The following MGA variants were observed in gnomAD, a reference collection of about 807,000 sequenced individuals.
The protein encoded by MGA is MAX dimerization protein MGA.
MGA carries 40 observed loss-of-function variants against 261.1 expected under a neutral mutation model. The ratio of observed to expected loss-of-function variants is 0.15; its 90% CI spans 0.12 to 0.20. The LOEUF is 0.20. Ranked by LOEUF, MGA falls within the 10% of genes least tolerant of loss-of-function variation. The pLI is 1.00. For synonymous variants in MGA, 1,302 were observed against 1,290.6 expected, an observed-to-expected ratio of 1.01 and a Z score of -0.19; for missense variants, 3,397 against 3,630.5, an observed-to-expected ratio of 0.94 and a Z score of 1.65.
chr15:41,744,176 C>A (rs2062290207), intron 15 of MGA, among the ~76,000 whole-genome samples: 1 of 151,154 alleles, frequency 6.6e-6, no homozygotes, highest in African/African-American at 2.4e-5. Flanking sequence ...AAAAGTGAAT[C>A]TATATATATA....
chr15:41,762,097 T>C, intron 21 of MGA, 32 bp from the exon 22 acceptor site: 1 of 1,526,980 alleles, frequency 6.5e-7, no homozygotes, highest in Non-Finnish European at 9.0e-7. Flanking sequence ...GGCGTAATGC[T>C]GAAAGTGCTA....
At chr15:41,694,595 C>T (rs1439267782) in intron 2 of MGA, among the ~76,000 whole-genome samples, 1 of 151,096 alleles carries the variant, frequency 6.6e-6, no homozygotes, top group African/African-American at 2.4e-5. Flanking sequence ...GGCACGATCT[C>T]GGCTCACTGC....
At chr15:41,641,629 A>G (rs963950464) in intron 1 of MGA, among the ~76,000 whole-genome samples, 1 of 151,330 alleles carries the variant, frequency 6.6e-6, no homozygotes, top group Non-Finnish European at 1.5e-5. Context: ...AGCTGGGACT[A>G]TAGGTGCGCG....
At chr15:41,723,740 T>C (rs1038719482) in intron 9 of MGA, among the ~76,000 whole-genome samples, 5 of 152,168 alleles carry the variant, frequency 3.3e-5, no homozygotes, top group Non-Finnish European at 2.9e-5. Flanking sequence ...TATGTTGTTG[T>C]CCTTCCAATT....
chr15:41,638,688 C>CTTTTT (rs761492514), intron 1 of MGA, among the ~76,000 whole-genome samples: 14 of 115,632 alleles, frequency 1.2e-4, no homozygotes, highest in South Asian at 5.9e-4. Context: ...TTTTCTTTTT[C>CTTTTT]TTTTTTTTTT....
chr15:41,673,334 C>T (rs1408188517), intron 2 of MGA, among the ~76,000 whole-genome samples: 1 of 151,932 alleles, frequency 6.6e-6, no homozygotes, highest in East Asian at 1.9e-4. Flanking sequence ...TCTTGTGCCT[C>T]AGCCTCTGGA....
chr15:41,633,139 C>T (rs1298916763), intron 1 of MGA, among the ~76,000 whole-genome samples: 4 of 151,778 alleles, frequency 2.6e-5, no homozygotes, highest in East Asian at 1.9e-4. Flanking sequence ...TTAGTAGAGA[C>T]GGGGTTTCAC....
chr15:41,707,387 C>G (rs912382075), intron 5 of MGA, among the ~76,000 whole-genome samples: 4 of 152,156 alleles, frequency 2.6e-5, no homozygotes, highest in Non-Finnish European at 5.9e-5. Context: ...CATTGCAGCT[C>G]CAGCAAGATG....
chr15:41,663,424 G>A (rs1371988830), intron 1 of MGA, among the ~76,000 whole-genome samples: 1 of 152,074 alleles, frequency 6.6e-6, no homozygotes, highest in East Asian at 1.9e-4. Context: ...TTTTTAGGAT[G>A]TTGCTAGAAG....
chr15:41,746,008 T>G (rs1019922894), intron 15 of MGA, among the ~76,000 whole-genome samples: 1 of 152,198 alleles, frequency 6.6e-6, no homozygotes, highest in African/African-American at 2.4e-5. Context: ...TTTCTCTATT[T>G]ATAAAGAGGA....
Position 41,652,964 on chromosome 15 carries a change from C to T in MGA, c.-67-15864C>T, listed in dbSNP as rs74866261. ...AGTCATGAGATGAAAAATACTGCCT[C>T]TGTATAATCGCTACAATTTATAATC... On this transcript the variant is annotated intron_variant, in intron 1 of 8. Transcript: ENST00000566718. Among the ~76,000 whole-genome samples, 55 of 152,282 alleles carry T rather than the reference C, an allele frequency of 3.6e-4. No homozygotes were observed. The East Asian group carries it at 7.9e-3, about 22-fold the overall frequency.
In MGA at chr15:41,722,671, T is replaced by A. The variant is rs138992831; in HGVS notation, c.3431-4509T>A. Among the ~76,000 whole-genome samples the A allele has an allele frequency of 3.5e-4, 54 of 152,320 alleles. 1 individual carries two copies. Among genetic ancestry groups the A allele is most frequent in the African/African-American group, 1.3e-3 (54 of 41,576 alleles). On this transcript the variant is annotated intron_variant, in intron 9 of 23. Transcript: ENST00000219905. Reference sequence around the variant, plus strand: ...TGTACATTTCTTTATAAATGCTATATTTCATTATAAAGAGATCCAAAATGC... The same window carrying A: ...TGTACATTTCTTTATAAATGCTATAATTCATTATAAAGAGATCCAAAATGC...
chr15:41,669,911 T>G lies in MGA; in HGVS notation c.1017T>G (p.Asp339Glu). 1 of 1,613,966 alleles carries G rather than the reference T, an allele frequency of 6.2e-7. No individual in the cohort carries two copies. The change falls in exon 2 of 24, where the codon GAT (aspartate) becomes GAG (glutamate). Residue 339 changes from aspartate to glutamate, a missense_variant. Physicochemically the swap from Asp to Glu is conservative, Grantham distance 45 (BLOSUM62 2). Around this residue, in one of 9 missense-constraint regions of MGA, gnomAD observed 563 missense variants for 563.6 expected, o/e 1.00. Transcript: ENST00000219905. ...ACTTTCTTGGTTTCATGGATACTGA[T>G]TCAGCACTTAGTGAAGTTCCTCAAT...
rs892470925 is a variant in MGA, at chr15:41,734,526, C to G, written c.3848C>G (p.Pro1283Arg). 3 of 1,606,648 alleles carry G rather than the reference C, an allele frequency of 1.9e-6. No individual in the cohort carries two copies. In the African/African-American group the frequency reaches 4.0e-5, roughly 21 times the overall value. ...CTGTGTTACTGTCTCCTTCAGGAAC[C>G]TGATTCTGAACAGCAGCCCTTAAAA... The change falls in exon 12 of 24, where the codon CCT becomes CGT. Residue 1283 changes from proline (P) to arginine (R), a missense_variant. Coordinates refer to ENST00000219905, the MANE Select transcript of MGA (RefSeq NM_001164273.2).
intron 22 of MGA, among the ~76,000 whole-genome samples, chr15:41,764,338 C>T (rs1251032369): frequency 2.0e-5 from 3 of 150,890 alleles, no homozygotes; most frequent in East Asian, 2.0e-4. Context: ...ACTGCCAGCT[C>T]CGCCTCCCAG....
intron 11 of MGA, among the ~76,000 whole-genome samples, chr15:41,733,238 T>G (rs1018551951): frequency 2.0e-5 from 3 of 152,144 alleles, no homozygotes; most frequent in Non-Finnish European, 4.4e-5. Context: ...ATTACAGGCG[T>G]GAGCCACAAC....
Position 41,762,193 on chromosome 15 carries a change from G to A in MGA, c.7575G>A (p.Glu2525=), listed in dbSNP as rs1420747446. Residue 2525 remains glutamate, a synonymous_variant, in exon 22 of 24, where the codon GAG becomes GAA. Coordinates refer to ENST00000219905, the MANE Select transcript of MGA (RefSeq NM_001164273.2). ...TTTATGCAAAACAGCAAGCACTAGA[G>A]GCACAAAAAAGAAAAAAGAAGATGG... 4 of 1,613,790 alleles carry A rather than the reference G, an allele frequency of 2.5e-6. No homozygotes were observed. The South Asian group carries it at 3.3e-5, about 13-fold the overall frequency.
At chr15:41,634,448 T>C (rs2056657544) in intron 1 of MGA, among the ~76,000 whole-genome samples, 1 of 152,228 alleles carries the variant, frequency 6.6e-6, no homozygotes, top group Non-Finnish European at 1.5e-5. Flanking sequence ...TCTCCTGTCA[T>C]CTCATTATGC....
chr15:41,723,164 GTGT>G (rs2061040191), intron 9 of MGA, among the ~76,000 whole-genome samples: 1 of 152,126 alleles, frequency 6.6e-6, no homozygotes, highest in South Asian at 2.1e-4. Flanking sequence ...TTCCTGCTGA[GTGT>G]TGTTCTTTTT....
Sources: allele counts gnomAD v4.1 joint callset (sites outside exome capture counted in the v4.1 genomes callset), GRCh38; gene constraint gnomAD v4.1.1; regional missense constraint gnomAD v4.1.1; transcripts MANE v1.5; gene names NCBI Gene and HGNC (gene_info 2026-07-23, HGNC 2026-07-21).